ADAMTSL3: variants seen among roughly 807,000 people sequenced by gnomAD.
ADAMTSL3 encodes ADAMTS-like protein 3.
ADAMTSL3 carries 128 observed loss-of-function variants against 201.7 expected under a neutral mutation model. The ratio of observed to expected loss-of-function variants is 0.63; its 90% confidence interval spans 0.55 to 0.73. ADAMTSL3 has a LOEUF of 0.73. Ranked by LOEUF, ADAMTSL3 falls within the 30% of genes least tolerant of loss-of-function variation. The probability of loss-of-function intolerance (pLI) is 0.00; values close to 1 mark genes in which losing one functional copy is unlikely to be tolerated. For synonymous variants in ADAMTSL3, 738 were observed against 748.4 expected, an observed-to-expected ratio of 0.99 and a Z score of 0.23; for missense variants, 1,990 against 2,119.6, an observed-to-expected ratio of 0.94 and a Z score of 1.20.
chr15:83,946,332 G>A (rs191234694), intron 19 of ADAMTSL3, among the ~76,000 whole-genome samples: 6 of 152,186 alleles, frequency 3.9e-5, no homozygotes, highest in Admixed American at 2.0e-4. Flanking sequence ...CATCTATGTG[G>A]GCCCACTTGT....
chr15:83,690,666 T>C (rs139151895), intron 2 of ADAMTSL3, among the ~76,000 whole-genome samples: 1 of 152,298 alleles, frequency 6.6e-6, no homozygotes, highest in Non-Finnish European at 1.5e-5. Flanking sequence ...TTTGCTTGTC[T>C]GTTTCTCATT....
At chr15:84,034,096 A>G (rs1011131235) in intron 28 of ADAMTSL3, among the ~76,000 whole-genome samples, 1 of 152,010 alleles carries the variant, frequency 6.6e-6, no homozygotes, top group African/African-American at 2.4e-5. Flanking sequence ...CATGGTGTTA[A>G]TATTTTTTCC....
intron 16 of ADAMTSL3, among the ~76,000 whole-genome samples, chr15:83,914,195 T>C (rs1162158805): frequency 3.3e-5 from 5 of 152,308 alleles, no homozygotes; most frequent in African/African-American, 4.8e-5. Flanking sequence ...CTGAATGTGC[T>C]CTGCTCTTGA....
chr15:83,894,175 G>C (rs146179458), intron 13 of ADAMTSL3, among the ~76,000 whole-genome samples: 36 of 152,290 alleles, frequency 2.4e-4, no homozygotes, highest in African/African-American at 6.0e-4. Context: ...CTTCAGAAAG[G>C]AGGTAGCACT....
chr15:83,867,308 A>G (rs1224469264), intron 8 of ADAMTSL3, among the ~76,000 whole-genome samples: 2 of 152,204 alleles, frequency 1.3e-5, no homozygotes, highest in African/African-American at 4.8e-5. Flanking sequence ...GTTTGTTTAG[A>G]TCCTGAATTT....
chr15:83,780,809 C>G (rs918170825), intron 4 of ADAMTSL3, among the ~76,000 whole-genome samples: 2 of 152,066 alleles, frequency 1.3e-5, no homozygotes, highest in Non-Finnish European at 2.9e-5. Context: ...TCTTATACAC[C>G]AACAGTCAAG....
At chr15:83,969,356 A>G (rs1343894974) in intron 19 of ADAMTSL3, among the ~76,000 whole-genome samples, 1 of 152,172 alleles carries the variant, frequency 6.6e-6, no homozygotes, top group Non-Finnish European at 1.5e-5. Flanking sequence ...AGGCAGGAGA[A>G]TCGCTTGAAT....
At chr15:83,826,815 C>A (rs1258350978) in intron 6 of ADAMTSL3, among the ~76,000 whole-genome samples, 6 of 152,108 alleles carry the variant, frequency 3.9e-5, no homozygotes, top group African/African-American at 7.2e-5. Context: ...CCAGCTTCAT[C>A]CATGTCCCTA....
At chr15:84,032,098 T>C (rs2068420198) in intron 28 of ADAMTSL3, among the ~76,000 whole-genome samples, 1 of 151,762 alleles carries the variant, frequency 6.6e-6, no homozygotes, top group Non-Finnish European at 1.5e-5. Context: ...GGCTTGGGAG[T>C]TCTATTATAT....
At chr15:83,963,283 C>G (rs1046620598) in intron 19 of ADAMTSL3, among the ~76,000 whole-genome samples, 2 of 152,210 alleles carry the variant, frequency 1.3e-5, no homozygotes, top group Non-Finnish European at 2.9e-5. Context: ...GCCAGTACAG[C>G]AGTGCGAAGT....
At chr15:83,724,692 C>T (rs2062148061) in intron 3 of ADAMTSL3, among the ~76,000 whole-genome samples, 1 of 152,004 alleles carries the variant, frequency 6.6e-6, no homozygotes, top group Non-Finnish European at 1.5e-5. Flanking sequence ...CCACTTCCCC[C>T]ACCGCCACTA....
chr15:83,890,359 T>C (rs182799033), intron 11 of ADAMTSL3, 112 bp downstream of exon 11: 7 of 1,351,708 alleles, frequency 5.2e-6, no homozygotes, highest in Non-Finnish European at 7.0e-6. Context: ...CTTTGTCTAC[T>C]GGCGGCAGGT....
rs571158577 is a variant in ADAMTSL3, at chr15:83,794,662, G to A, written c.318-9988G>A. Among the ~76,000 whole-genome samples the A allele has an allele frequency of 2.7e-4, 41 of 149,876 alleles. No individual in the cohort carries two copies. In the South Asian group the frequency reaches 7.4e-3, roughly 27 times the overall value. ...TAGGTGTTAAGGAAGAGGATAGGGTGGGGGGGAGGAGATGCAGCTATAAAA... is the reference window on the plus strand; with the variant it reads ...TAGGTGTTAAGGAAGAGGATAGGGTAGGGGGGAGGAGATGCAGCTATAAAA... On this transcript the variant is annotated intron_variant, in intron 4 of 29. Transcript: ENST00000286744.
chr15:83,943,961 C>A (rs369374181), intron 19 of ADAMTSL3, among the ~76,000 whole-genome samples: 1 of 129,644 alleles, frequency 7.7e-6, no homozygotes, highest in African/African-American at 3.3e-5. Context: ...TTTATATATC[C>A]TATGTTTTTT....
chr15:83,903,057 G>A (rs1266968638), intron 15 of ADAMTSL3, among the ~76,000 whole-genome samples: 1 of 151,694 alleles, frequency 6.6e-6, no homozygotes, highest in Non-Finnish European at 1.5e-5. Context: ...TCATAATTAT[G>A]TATCTCAAAA....
At chr15:83,998,800 T>G (rs1283511736) in intron 23 of ADAMTSL3, among the ~76,000 whole-genome samples, 1 of 152,130 alleles carries the variant, frequency 6.6e-6, no homozygotes, top group Non-Finnish European at 1.5e-5. Context: ...CTGAGATAAC[T>G]AGATAAGATC....
At chr15:83,761,353 A>C (rs1031967924) in intron 3 of ADAMTSL3, among the ~76,000 whole-genome samples, 1 of 152,126 alleles carries the variant, frequency 6.6e-6, no homozygotes, top group African/African-American at 2.4e-5. Context: ...TGTTTTACAC[A>C]GTTGCTTTTC....
At chr15:83,705,554 T>A (rs1425947579) in intron 3 of ADAMTSL3, among the ~76,000 whole-genome samples, 5 of 152,226 alleles carry the variant, frequency 3.3e-5, no homozygotes, top group Admixed American at 3.3e-4. Flanking sequence ...TTCTGAGGGC[T>A]GGCTGGAGCT....
At chr15:83,770,525 T>C (rs1328218639) in intron 3 of ADAMTSL3, among the ~76,000 whole-genome samples, 2 of 152,246 alleles carry the variant, frequency 1.3e-5, no homozygotes, top group Non-Finnish European at 2.9e-5. Context: ...AGAGAAGAGA[T>C]AGAAAATGAT....
Sources: allele counts gnomAD v4.1 joint callset (sites outside exome capture counted in the v4.1 genomes callset), GRCh38; gene constraint gnomAD v4.1.1; transcripts MANE v1.5; gene names NCBI Gene and HGNC (gene_info 2026-07-23, HGNC 2026-07-21).